Variants in SCN8A observed in about 807,000 individuals in gnomAD.
SCN8A encodes sodium voltage-gated channel alpha subunit 8, also known as sodium channel protein type 8 subunit alpha.
SCN8A carries 30 observed loss-of-function variants against 184.1 expected under a neutral mutation model. The ratio of observed to expected loss-of-function variants is 0.16; its 90% CI spans 0.12 to 0.22. The LOEUF (loss-of-function observed/expected upper bound fraction) is 0.22. Among genes scored for constraint, SCN8A ranks in the 10% least tolerant of loss-of-function variants. The pLI, the probability that SCN8A is intolerant of heterozygous loss-of-function variation, is 1.00. For synonymous variants in SCN8A, 852 were observed against 907.0 expected (o/e 0.94, Z 1.09); for missense variants, 1,057 against 2,498.9 (o/e 0.42, Z 12.30).
chr12:51,600,194 G>C (rs1939434077), intron 1 of SCN8A, among the ~76,000 whole-genome samples: 1 of 152,120 alleles, frequency 6.6e-6, no homozygotes, highest in South Asian at 2.1e-4. Context: ...CTCTACCCTT[G>C]TTTTGGAGTT....
chr12:51,692,692 G>T (rs1941531590), intron 6 of SCN8A, among the ~76,000 whole-genome samples: 1 of 152,138 alleles, frequency 6.6e-6, no homozygotes, highest in South Asian at 2.1e-4. Context: ...CTTTGTATTT[G>T]TCTGAGTCCC....
At chr12:51,796,851 C>T (rs549557372) in intron 26 of SCN8A, among the ~76,000 whole-genome samples, 42 of 152,270 alleles carry the variant, frequency 2.8e-4, no homozygotes, top group South Asian at 2.5e-3. Flanking sequence ...GCATCCAGCG[C>T]GGGAGGAGAT....
chr12:51,726,893 C>G (rs1942163643), intron 12 of SCN8A, among the ~76,000 whole-genome samples: 1 of 152,124 alleles, frequency 6.6e-6, no homozygotes, highest in African/African-American at 2.4e-5. Flanking sequence ...TAAAGCAAAA[C>G]ACTATGCAAA....
chr12:51,611,609 T>C (rs1939722284), intron 1 of SCN8A, among the ~76,000 whole-genome samples: 1 of 152,088 alleles, frequency 6.6e-6, no homozygotes, highest in African/African-American at 2.4e-5. Flanking sequence ...GTGATTCTCC[T>C]GCCTCAGCCT....
intron 1 of SCN8A, among the ~76,000 whole-genome samples, chr12:51,604,304 AC>A (rs1939534871): frequency 6.7e-6 from 1 of 150,144 alleles, no homozygotes; most frequent in East Asian, 1.9e-4. Context: ...CTGTTTGAGC[AC>A]CATTGTTGTT....
In SCN8A at chr12:51,786,804, G is replaced by C; in HGVS notation, c.4205G>C (p.Gly1402Ala). ...ATCAACTTTGACAATGTTGGGGCAG[G>C]ATACCTGGCCCTTCTTCAAGTAGTA... is the stretch of plus-strand genomic sequence containing the variant. ...VKINFDNVGA[G>A]YLALLQVATF... The change falls in exon 22 of 27, where the codon GGA becomes GCA. Residue 1402 changes from glycine (G) to alanine (A), a missense_variant. By Grantham distance (60) the Gly-to-Ala change is moderately conservative. This residue lies in a region of SCN8A where 37 missense variants were observed against 216.1 expected (regional missense o/e 0.17). Transcript: ENST00000627620. 6.2e-7 allele frequency: 1 copy of C among 1,613,694 alleles called. No individual in the cohort carries two copies. The highest frequency in any genetic ancestry group is 8.5e-7 in the Non-Finnish European group (1 of 1,179,840).
chr12:51,645,277 C>G (rs998293913), intron 1 of SCN8A, among the ~76,000 whole-genome samples: 1 of 149,200 alleles, frequency 6.7e-6, no homozygotes, highest in Non-Finnish European at 1.5e-5. Context: ...GCCGCCCCTA[C>G]TGGGAAGTGA....
At chr12:51,764,056 G>A (rs1942801323) in intron 15 of SCN8A, among the ~76,000 whole-genome samples, 1 of 152,122 alleles carries the variant, frequency 6.6e-6, no homozygotes, top group Non-Finnish European at 1.5e-5. Flanking sequence ...ACAAAAGAAA[G>A]GATTGAGAGT....
intron 6 of SCN8A, among the ~76,000 whole-genome samples, chr12:51,692,449 A>G (rs1044458590): frequency 6.6e-6 from 1 of 152,194 alleles, no homozygotes; most frequent in Non-Finnish European, 1.5e-5. Context: ...AGAAAAGACC[A>G]AACCCACCTT....
At chr12:51,753,077 AG>A (rs1433345924) in intron 14 of SCN8A, among the ~76,000 whole-genome samples, 7 of 152,196 alleles carry the variant, frequency 4.6e-5, no homozygotes, top group Non-Finnish European at 7.3e-5. Context: ...ATGAAAATTT[AG>A]AGATTTAGGA....
chr12:51,684,432 A>G, intron 3 of SCN8A, 140 bp downstream of exon 3: 2 of 668,056 alleles, frequency 3.0e-6, no homozygotes, highest in East Asian at 2.7e-5. Context: ...GAGGTTTAAG[A>G]GTGAACTCCT....
chr12:51,692,764 G>A (rs563734723), intron 6 of SCN8A, among the ~76,000 whole-genome samples: 2 of 152,328 alleles, frequency 1.3e-5, no homozygotes, highest in African/African-American at 2.4e-5. Flanking sequence ...CTTTGATCAT[G>A]TGCCACAGGG....
chr12:51,670,224 A>G (rs1012704640), intron 2 of SCN8A, among the ~76,000 whole-genome samples: 6 of 152,208 alleles, frequency 3.9e-5, no homozygotes, highest in African/African-American at 1.4e-4. Context: ...TTAATTAAGC[A>G]TTCCTAAATC....
intron 2 of SCN8A, among the ~76,000 whole-genome samples, chr12:51,678,005 C>G (rs1013385366): frequency 2.0e-5 from 3 of 152,204 alleles, no homozygotes; most frequent in African/African-American, 7.2e-5. Context: ...GTCCTTTCCA[C>G]TATATCTAGG....
chr12:51,727,190 G>A lies in SCN8A; in HGVS notation c.1998+5282G>A, dbSNP rs371665795. 1.4e-3 allele frequency among the ~76,000 whole-genome samples: 220 copies of A among 152,208 alleles called. 2 individuals carry two copies. The highest frequency in any genetic ancestry group is 5.0e-3 in the African/African-American group (206 of 41,528). ...TAAATGCCCAAATAAACAGCATTTG[G>A]GTTAAGAGAAATGGAACAAACTTGT... On this transcript the variant is annotated intron_variant, in intron 12 of 26. Transcript: ENST00000627620.
intron 13 of SCN8A, among the ~76,000 whole-genome samples, chr12:51,751,126 C>T (rs1488156716): frequency 6.6e-6 from 1 of 152,196 alleles, no homozygotes; most frequent in African/African-American, 2.4e-5. Context: ...ACTCCCATAA[C>T]TGATGGGTTG....
intron 1 of SCN8A, among the ~76,000 whole-genome samples, chr12:51,632,837 A>T (rs1940226658): frequency 6.6e-6 from 1 of 152,130 alleles, no homozygotes; most frequent in African/African-American, 2.4e-5. Context: ...ACTTTGCAGC[A>T]TGCTTAGCTT....
intron 12 of SCN8A, among the ~76,000 whole-genome samples, chr12:51,735,528 C>T (rs574244370): frequency 3.3e-5 from 5 of 152,266 alleles, no homozygotes; most frequent in African/African-American, 1.2e-4. Context: ...TTATTACCGG[C>T]CCTTATTGAA....
At chr12:51,798,486 G>T (rs772546858) in intron 26 of SCN8A, among the ~76,000 whole-genome samples, 3 of 152,180 alleles carry the variant, frequency 2.0e-5, no homozygotes, top group Non-Finnish European at 4.4e-5. Context: ...TGATCACCCC[G>T]AGGAATGGTG....
Sources: gnomAD v4.1 joint callset for allele counts (sites outside exome capture counted in the v4.1 genomes callset) on GRCh38, gnomAD v4.1.1 for gene constraint, gnomAD v4.1.1 regional missense constraint, MANE v1.5 for transcripts, NCBI Gene and HGNC (gene_info 2026-07-23, HGNC 2026-07-21) for gene names.